Variants in ARHGEF10 observed in about 807,000 individuals in gnomAD.
The protein encoded by ARHGEF10 is Rho guanine nucleotide exchange factor (GEF) 10.
ARHGEF10 carries 140 observed loss-of-function variants against 147.4 expected under a neutral mutation model. The ratio of observed to expected loss-of-function variants is 0.95; its 90% CI spans 0.83 to 1.09. The LOEUF is 1.09. ARHGEF10 is among the 50% of genes least tolerant of loss of function. The pLI, the probability that ARHGEF10 is intolerant of heterozygous loss-of-function variation, is 0.00. For missense variants in ARHGEF10, 2,222 were observed against 1,752.7 expected (o/e 1.27, Z -4.78); for synonymous variants, 902 against 695.8 (o/e 1.30, Z -4.67).
intron 26 of ARHGEF10, chr8:1,943,658 G>C (rs1156852118): frequency 2.6e-5 from 4 of 152,310 alleles, no homozygotes; most frequent in South Asian, 2.1e-4. Context: ...GTAAGAGCTG[G>C]ATTATCTGCC....
At position 1,937,503 on chromosome 8, in the gene ARHGEF10, T is replaced by C. The variant is rs1284583196; in HGVS notation, c.3222+3561T>C. ...TTTATATGCTGTAAATCTCGAAGACTCAGAGAGAAGCAATGTGTTTGGATC... is the reference window on the plus strand; with the variant it reads ...TTTATATGCTGTAAATCTCGAAGACCCAGAGAGAAGCAATGTGTTTGGATC... On this transcript the variant is annotated intron_variant, in intron 26 of 28. Coordinates refer to ENST00000349830, the MANE Select transcript of ARHGEF10 (RefSeq NM_014629.4). This position sits in a 1 kb window ranked among gnomAD's most constrained non-coding sequence, Gnocchi z 4.9. 6.6e-6 allele frequency among the ~76,000 whole-genome samples: 1 copy of C among 152,240 alleles called. No individual in the cohort carries two copies. Among genetic ancestry groups the C allele is most frequent in the Non-Finnish European group, 1.5e-5 (1 of 68,036 alleles).
At chr8:1,839,613 ACTGTCTGGTGTGGAAG>A (rs1179227799) in intron 1 of ARHGEF10, among the ~76,000 whole-genome samples, 2 of 117,082 alleles carry the variant, frequency 1.7e-5, no homozygotes, top group Admixed American at 9.0e-5. Context: ...TGCTGTGGGG[ACTGTCTGGTGTGGAAG>A]CTGTCTGGTG....
At chr8:1,871,398 A>G (rs937336334) in intron 7 of ARHGEF10, among the ~76,000 whole-genome samples, 5 of 152,142 alleles carry the variant, frequency 3.3e-5, no homozygotes, top group African/African-American at 1.2e-4. Flanking sequence ...ATGATATACT[A>G]CTCTGTAACT....
At chr8:1,876,009 G>A (rs193085472) in intron 7 of ARHGEF10, 147 of 160,248 alleles carry the variant, frequency 9.2e-4, no homozygotes, top group Admixed American at 4.1e-3. Flanking sequence ...TTTGAAGAAT[G>A]TCATTTTCAT....
At chr8:1,830,801 T>G (rs1803052657) in intron 1 of ARHGEF10, among the ~76,000 whole-genome samples, 1 of 151,864 alleles carries the variant, frequency 6.6e-6, no homozygotes, top group African/African-American at 2.4e-5. Flanking sequence ...GGCTACAAGG[T>G]GCGGAGAGGA....
Position 1,876,646 on chromosome 8 carries a change from G to A in ARHGEF10, c.755G>A (p.Ser252Asn). Residue 252 changes from serine (S) to asparagine (N), a missense_variant, in exon 8 of 29, where the codon AGT (serine) becomes AAT (asparagine). Transcript: ENST00000349830. Reference sequence around the variant, plus strand: ...TCCTTGGAATACGGATGGAGTTCGAGTGAATTTGAAAGTTACGAAGAGCAG... The same window carrying A: ...TCCTTGGAATACGGATGGAGTTCGAATGAATTTGAAAGTTACGAAGAGCAG... ...NSSLEYGWSS[S>N]EFESYEEQSD... The A allele has an allele frequency of 6.2e-7, 1 of 1,614,236 alleles. No individual in the cohort carries two copies. The highest frequency in any genetic ancestry group is 8.5e-7 in the Non-Finnish European group (1 of 1,180,042).
rs1563233460 is a variant in ARHGEF10 at position 1,888,130 on chromosome 8, T to TTGCGAGGAGACACTTAGTGGGGTGAGGG, written c.1182+2424_1182+2425insGCGAGGAGACACTTAGTGGGGTGAGGGT. The stretch of plus-strand genomic sequence containing the variant: ...GAGGAGACACTTAGTGGGGTGAGGG[T>TTGCGAGGAGACACTTAGTGGGGTGAGGG]TTGCGAGGAGACACTTAGTGGGGCG... On this transcript the variant is annotated intron_variant, in intron 11 of 28. Transcript: ENST00000349830. 9.3e-4 allele frequency among the ~76,000 whole-genome samples: 27 copies of TTGCGAGGAGACACTTAGTGGGGTGAGGG among 29,014 alleles called. 3 individuals carry two copies. Among genetic ancestry groups the TTGCGAGGAGACACTTAGTGGGGTGAGGG allele is most frequent in the South Asian group, 8.5e-3 (6 of 710 alleles). 19.0% of individuals were successfully genotyped at this position (29,014 alleles called of 152,430 possible). A position where few individuals can be genotyped will look rare whatever the true frequency, so the allele number is the denominator to read the frequency against.
upstream of ARHGEF10, chr8:1,823,915 G>C (rs1802564406): frequency 6.6e-6 from 1 of 151,684 alleles, no homozygotes; most frequent in African/African-American, 2.4e-5. Context: ...GGAGCAGGCC[G>C]TCCGGGCGGG....
intron 2 of ARHGEF10, among the ~76,000 whole-genome samples, chr8:1,844,570 A>C (rs56333426): frequency 0.14 from 21,270 of 151,248 alleles, 1,894 homozygotes; most frequent in African/African-American, 0.25. Flanking sequence ...CTGGAAGTCC[A>C]GCTCCTGGAG....
chr8:1,927,024 A>C, intron 23 of ARHGEF10: 1 of 184,972 alleles, frequency 5.4e-6, no homozygotes, highest in East Asian at 1.6e-4. Context: ...GCTTTTCCAA[A>C]CTCTCATCCT....
intron 13 of ARHGEF10, 102 bp from the exon 14 acceptor site, chr8:1,896,231 C>T (rs1489754660): frequency 2.1e-5 from 19 of 895,174 alleles, no homozygotes; most frequent in Admixed American, 6.8e-5. Flanking sequence ...TCACAGTGAC[C>T]GAAAGAGTAT....
At chr8:1,884,228 C>T (rs1349360909) in intron 10 of ARHGEF10, among the ~76,000 whole-genome samples, 1 of 151,898 alleles carries the variant, frequency 6.6e-6, no homozygotes, top group Admixed American at 6.6e-5. Flanking sequence ...CCCGTCTCTA[C>T]TAAAAATACA....
At chr8:1,947,053 C>G (rs989178612) in intron 27 of ARHGEF10, among the ~76,000 whole-genome samples, 59 of 152,236 alleles carry the variant, frequency 3.9e-4, no homozygotes, top group African/African-American at 1.3e-3. Context: ...AGCAGACGCT[C>G]TGCTGTGGAC....
intron 5 of ARHGEF10, 97 bp downstream of exon 5, chr8:1,864,533 C>A: frequency 7.7e-7 from 1 of 1,298,312 alleles, no homozygotes; most frequent in Non-Finnish European, 1.1e-6. Context: ...CCGCCATCCT[C>A]AGCTCTGCGC....
At chr8:1,845,524 GTC>G (rs1264628942) in intron 2 of ARHGEF10, among the ~76,000 whole-genome samples, 3 of 152,238 alleles carry the variant, frequency 2.0e-5, no homozygotes, top group Non-Finnish European at 4.4e-5. Context: ...CCAGGAAGCT[GTC>G]TCTGCAGGTA....
chr8:1,951,388 C>G (rs1299813177), intron 27 of ARHGEF10, among the ~76,000 whole-genome samples: 1 of 152,242 alleles, frequency 6.6e-6, no homozygotes, highest in Non-Finnish European at 1.5e-5. Flanking sequence ...GACCAAGTCA[C>G]GCCGACCAGG....
At chr8:1,909,150 C>T (rs1811153788) in intron 17 of ARHGEF10, 145 bp from the exon 18 acceptor site, 3 of 1,230,128 alleles carry the variant, frequency 2.4e-6, no homozygotes, top group Non-Finnish European at 1.2e-6. Context: ...GTAAGAAAGT[C>T]AGAAGCACAA....
At chr8:1,828,382 G>A (rs948039676) in intron 1 of ARHGEF10, among the ~76,000 whole-genome samples, 2 of 151,670 alleles carry the variant, frequency 1.3e-5, no homozygotes, top group East Asian at 1.9e-4. Context: ...ATTACATTTT[G>A]ATAAACCGTG....
chr8:1,925,221 T>G (rs1812592233), intron 21 of ARHGEF10, 62 bp from the exon 22 acceptor site: 1 of 1,604,846 alleles, frequency 6.2e-7, no homozygotes, highest in Admixed American at 1.7e-5. Flanking sequence ...CCTGTGGAGC[T>G]GCAGGTCTTT....
Sources: gnomAD v4.1 joint callset for allele counts (sites outside exome capture counted in the v4.1 genomes callset) on GRCh38, gnomAD v4.1.1 for gene constraint, Gnocchi (gnomAD v3.1) non-coding constraint, MANE v1.5 for transcripts, NCBI Gene and HGNC (gene_info 2026-07-23, HGNC 2026-07-21) for gene names.